Variants in DAB1 observed in about 807,000 individuals in gnomAD.
DAB1 encodes DAB adaptor protein 1.
DAB1 carries 15 observed loss-of-function variants against 64.6 expected under a neutral mutation model. The ratio of observed to expected loss-of-function variants is 0.23; its 90% CI spans 0.16 to 0.36. The LOEUF (loss-of-function observed/expected upper bound fraction) is 0.36, where lower values mean the gene tolerates loss of function less well. Among genes scored for constraint, DAB1 ranks in the 10% least tolerant of loss-of-function variants. DAB1 has a pLI of 1.00. For synonymous variants in DAB1, 235 were observed against 251.9 expected (o/e 0.93, Z 0.64); for missense variants, 596 against 706.7 (o/e 0.84, Z 1.78).
intron 4 of DAB1, among the ~76,000 whole-genome samples, chr1:58,315,558 G>A (rs971363266): frequency 6.6e-6 from 1 of 152,162 alleles, no homozygotes; most frequent in Non-Finnish European, 1.5e-5. Flanking sequence ...TTTATACATA[G>A]TTTGATATCT....
In DAB1 at chr1:57,857,661, G is replaced by A. The variant is rs115458823; in HGVS notation, n.87+26338C>T. On this transcript the variant is annotated intron_variant and non_coding_transcript_variant, in intron 1 of 1. Transcript: ENST00000477280. ...CACGAGTGGAAAATATAAGATGGAC[G>A]TAGGCAGGAGTTATCCATTCAACCA... 8.8e-3 allele frequency among the ~76,000 whole-genome samples: 1,347 copies of A among 152,212 alleles called. 21 individuals are homozygous for A. The highest frequency in any genetic ancestry group is 0.031 in the African/African-American group (1,288 of 41,520).
At chr1:57,987,408 G>A (rs953683278) in intron 5 of DAB1, among the ~76,000 whole-genome samples, 1 of 152,116 alleles carries the variant, frequency 6.6e-6, no homozygotes. Flanking sequence ...AGGTAGTATT[G>A]GTTCCCTAGT....
rs568914253 is a variant in DAB1 at position 57,015,112 on chromosome 1, C to G, written c.1215G>C (p.Lys405Asn). 5 of 1,614,178 alleles carry G rather than the reference C, an allele frequency of 3.1e-6. No individual in the cohort carries two copies. In the East Asian group the frequency reaches 6.7e-5, roughly 22 times the overall value. ...TTTCTTTGCCCATTTTCTGCCTGGG[C>G]TTGTCGGTCTGTGGACTTGACCTGG... is the stretch of plus-strand genomic sequence containing the variant. The part of the protein sequence containing the change: ...DSTRSSPQTD[K>N]PRQKMGKETF... The change falls in exon 12 of 15, where the codon AAG (lysine) becomes AAC (asparagine). Residue 405 changes from lysine to asparagine, a missense_variant. Coordinates refer to ENST00000371236, the MANE Select transcript of DAB1 (RefSeq NM_001365792.1).
intron 3 of DAB1, among the ~76,000 whole-genome samples, chr1:58,435,132 G>C (rs1337623123): frequency 6.6e-6 from 1 of 152,160 alleles, no homozygotes; most frequent in Non-Finnish European, 1.5e-5. Context: ...CATCCAATGG[G>C]AGATTGGTGG....
At chr1:57,511,031 T>C (rs2101348436) in intron 7 of DAB1, among the ~76,000 whole-genome samples, 1 of 152,298 alleles carries the variant, frequency 6.6e-6, no homozygotes, top group African/African-American at 2.4e-5. Context: ...ACCACCTCCA[T>C]TGCTCAGCAG....
intron 8 of DAB1, among the ~76,000 whole-genome samples, chr1:57,064,014 C>A (rs1255569129): frequency 6.6e-6 from 1 of 152,206 alleles, no homozygotes; most frequent in Non-Finnish European, 1.5e-5. Context: ...CAAGAGCAGG[C>A]ATAGTGCCTA....
chr1:57,195,144 C>T (rs898385573), intron 2 of DAB1, among the ~76,000 whole-genome samples: 1 of 152,140 alleles, frequency 6.6e-6, no homozygotes, highest in African/African-American at 2.4e-5. Flanking sequence ...GGTGCTACTG[C>T]TGACATAGCA....
intron 5 of DAB1, among the ~76,000 whole-genome samples, chr1:58,076,162 G>T (rs1649627779): frequency 6.6e-6 from 1 of 152,120 alleles, no homozygotes; most frequent in African/African-American, 2.4e-5. Context: ...CTGAGACAAA[G>T]ATCCTTCTGT....
chr1:57,337,843 C>T (rs1458105597), intron 1 of DAB1, among the ~76,000 whole-genome samples: 1 of 151,908 alleles, frequency 6.6e-6, no homozygotes, highest in African/African-American at 2.4e-5. Flanking sequence ...CTCTCCCTTT[C>T]CTTTTCCCTT....
At chr1:57,474,821 A>G (rs1643914438) in intron 7 of DAB1, among the ~76,000 whole-genome samples, 1 of 152,314 alleles carries the variant, frequency 6.6e-6, no homozygotes, top group Middle Eastern at 3.4e-3. Flanking sequence ...TTATAATATA[A>G]ACATGTATTA....
At chr1:58,089,152 C>T (rs993354125) in intron 5 of DAB1, among the ~76,000 whole-genome samples, 1 of 152,084 alleles carries the variant, frequency 6.6e-6, no homozygotes, top group African/African-American at 2.4e-5. Flanking sequence ...TAAGGAAAAA[C>T]ACTGTCTCGA....
chr1:58,197,418 T>TA (rs3990962), intron 4 of DAB1, among the ~76,000 whole-genome samples: 3 of 151,574 alleles, frequency 2.0e-5, no homozygotes, highest in Non-Finnish European at 4.4e-5. Context: ...TTTTTTTTTT[T>TA]AAGACAGAGT....
At chr1:58,079,732 G>A (rs946358931) in intron 5 of DAB1, among the ~76,000 whole-genome samples, 18 of 151,726 alleles carry the variant, frequency 1.2e-4, no homozygotes, top group Admixed American at 2.6e-4. Flanking sequence ...TCTTGGCCAC[G>A]TTGACCTTGA....
intron 3 of DAB1, among the ~76,000 whole-genome samples, chr1:58,346,614 T>C (rs1396974759): frequency 1.3e-5 from 2 of 152,318 alleles, no homozygotes; most frequent in African/African-American, 2.4e-5. Flanking sequence ...TCATGAAGTA[T>C]CTATAAGCAT....
intron 2 of DAB1, among the ~76,000 whole-genome samples, chr1:57,267,621 C>T (rs1209241051): frequency 6.6e-6 from 1 of 152,148 alleles, no homozygotes; most frequent in Admixed American, 6.5e-5. Context: ...CAGGTTCTAC[C>T]TCTGGTTCTA....
chr1:57,909,411 T>G (rs1458085279), intron 5 of DAB1, among the ~76,000 whole-genome samples: 1 of 152,250 alleles, frequency 6.6e-6, no homozygotes, highest in African/African-American at 2.4e-5. Context: ...GCTATAATTT[T>G]ATAGCAGATT....
chr1:57,219,296 T>C (rs923806380), intron 2 of DAB1, among the ~76,000 whole-genome samples: 77 of 139,882 alleles, frequency 5.5e-4, no homozygotes, highest in African/African-American at 1.9e-3. Context: ...CACACACACA[T>C]AAACACTCCA....
At chr1:57,026,801 G>A (rs1317072819) in intron 9 of DAB1, among the ~76,000 whole-genome samples, 1 of 152,200 alleles carries the variant, frequency 6.6e-6, no homozygotes, top group Non-Finnish European at 1.5e-5. Context: ...TCATATGGGA[G>A]TGTCTGAGCA....
intron 5 of DAB1, among the ~76,000 whole-genome samples, chr1:58,144,062 T>C (rs1654457716): frequency 6.6e-6 from 1 of 152,206 alleles, no homozygotes; most frequent in Admixed American, 6.5e-5. Flanking sequence ...TTGCTAGAAC[T>C]ATTGATGGAA....
Sources: gnomAD v4.1 joint callset for allele counts (sites outside exome capture counted in the v4.1 genomes callset) on GRCh38, gnomAD v4.1.1 for gene constraint, MANE v1.5 for transcripts, NCBI Gene and HGNC (gene_info 2026-07-23, HGNC 2026-07-21) for gene names.